Variants in FAM53A observed in about 807,000 individuals in gnomAD.
The protein encoded by FAM53A is family with sequence similarity 53 member A.
Under a neutral mutation model 26.6 loss-of-function variants are expected in FAM53A, and 28 were observed. The ratio of observed to expected loss-of-function variants is 1.05; its 90% CI spans 0.78 to 1.45. FAM53A has a LOEUF of 1.45. Ranked by LOEUF, FAM53A falls within the 40% of genes most tolerant of loss-of-function variation. The pLI, the probability that FAM53A is intolerant of heterozygous loss-of-function variation, is 0.00. For synonymous variants in FAM53A, 290 were observed against 253.1 expected (o/e 1.15, Z -1.38); for missense variants, 650 against 575.8 (o/e 1.13, Z -1.32).
At chr4:1,625,659 A>G (rs377314684) in intron 1 of FAM53A, among the ~76,000 whole-genome samples, 2,328 of 57,612 alleles carry the variant, frequency 0.04, 29 homozygotes, top group African/African-American at 0.069. Context: ...CCACGTCCCG[A>G]CCCACGTGGT....
the FAM53A span, among the ~76,000 whole-genome samples, chr4:1,600,376 G>A: frequency 6.6e-6 from 1 of 152,118 alleles, no homozygotes. Flanking sequence ...GAATGAACCA[G>A]AAAGCCATGT....
In FAM53A at chr4:1,659,832, G is replaced by A. The variant is rs2108942461; in HGVS notation, c.76-2364C>T. The stretch of plus-strand genomic sequence containing the variant: ...GGTCGAAGGGGCTGGCTTCCTCTCT[G>A]ATGCCTCTCACATATGCGCACTTAA... On this transcript the variant is annotated intron_variant, in intron 2 of 4. Transcript: ENST00000308132. This position sits in a 1 kb window ranked among gnomAD's most constrained non-coding sequence, Gnocchi z 5.2. Among the ~76,000 whole-genome samples, 1 of 152,306 alleles carries A rather than the reference G, an allele frequency of 6.6e-6. No homozygotes were observed. The highest frequency in any genetic ancestry group is 6.5e-5 in the Admixed American group (1 of 15,296).
chr4:1,657,011 G>A (rs534922515), intron 3 of FAM53A, among the ~76,000 whole-genome samples: 9 of 152,194 alleles, frequency 5.9e-5, no homozygotes, highest in African/African-American at 1.7e-4. Flanking sequence ...TCCACTGCAC[G>A]GACAGTGGGT....
At chr4:1,609,701 G>A in the FAM53A span, among the ~76,000 whole-genome samples, 2 of 152,064 alleles carry the variant, frequency 1.3e-5, no homozygotes, top group African/African-American at 2.4e-5. Context: ...AGTGGCTCAC[G>A]CCTGTAATCC....
chr4:1,676,301 C>T (rs906884509), intron 1 of FAM53A, among the ~76,000 whole-genome samples: 12 of 152,174 alleles, frequency 7.9e-5, no homozygotes, highest in African/African-American at 2.2e-4. Flanking sequence ...ATTCTCCCTG[C>T]GTGTGCCTGT....
At chr4:1,646,351 G>A (rs967032000) in intron 4 of FAM53A, among the ~76,000 whole-genome samples, 6 of 152,030 alleles carry the variant, frequency 3.9e-5, no homozygotes, top group African/African-American at 7.2e-5. Flanking sequence ...TGCCCACCTC[G>A]GCCTCCCAAA....
chr4:1,637,886 G>A (rs1715917588), downstream of FAM53A, among the ~76,000 whole-genome samples: 1 of 152,066 alleles, frequency 6.6e-6, no homozygotes, highest in Non-Finnish European at 1.5e-5. Flanking sequence ...GGACCCAGGG[G>A]CTGCACTGTG....
rs1411398500 is a variant in FAM53A at position 1,641,093 on chromosome 4, C to A, written c.*200G>T. The A allele has an allele frequency of 1.4e-5, 8 of 590,794 alleles. No homozygotes were observed. Among genetic ancestry groups the A allele is most frequent in the African/African-American group, 1.3e-4 (6 of 47,326 alleles). The allele number at this position is 590,794 out of a possible 1,614,324, so 36.6% of individuals were successfully genotyped here. A position where few individuals can be genotyped will look rare whatever the true frequency, so the allele number is the denominator to read the frequency against. ...CAGGTGCCGGCGGCAGCCGTGGCCC[C>A]GACCAGCTCACAGGAAACCTACTCT... On this transcript the variant is annotated 3_prime_UTR_variant, in exon 5 of 5. Transcript: ENST00000308132.
chr4:1,672,746 G>A (rs1202521885), intron 1 of FAM53A, among the ~76,000 whole-genome samples: 3 of 143,890 alleles, frequency 2.1e-5, no homozygotes, highest in Non-Finnish European at 1.5e-5. Flanking sequence ...ACAAACACAG[G>A]AACCTGAATT....
chr4:1,602,651 G>A, the FAM53A span, among the ~76,000 whole-genome samples: 387 of 152,332 alleles, frequency 2.5e-3, no homozygotes, highest in African/African-American at 6.7e-3. Flanking sequence ...TTTCAGGTCT[G>A]GGTGGGCCCC....
chr4:1,598,345 C>T, the FAM53A span, among the ~76,000 whole-genome samples: 5 of 152,254 alleles, frequency 3.3e-5, no homozygotes, highest in Non-Finnish European at 7.3e-5. Context: ...CTGCGCCTTC[C>T]GCCAGGCCCT....
chr4:1,639,580 C>T (rs867382725), downstream of FAM53A, among the ~76,000 whole-genome samples: 6 of 152,292 alleles, frequency 3.9e-5, no homozygotes, highest in South Asian at 2.1e-4. Flanking sequence ...GTAGGCACTG[C>T]CCCAACGGAG....
At chr4:1,644,995 A>C (rs946927418) in intron 4 of FAM53A, 4 of 152,348 alleles carry the variant, frequency 2.6e-5, no homozygotes, top group Non-Finnish European at 5.9e-5. Flanking sequence ...AGAAAGCGCA[A>C]GCTCCATCCA....
intron 2 of FAM53A, among the ~76,000 whole-genome samples, chr4:1,666,275 C>T (rs561746963): frequency 4.3e-5 from 6 of 139,984 alleles, no homozygotes; most frequent in Non-Finnish European, 7.7e-5. Context: ...TAAAATAAAA[C>T]CTGCACCCCC....
At chr4:1,617,149 T>G (rs906578079), downstream of FAM53A, among the ~76,000 whole-genome samples, 2 of 128,706 alleles carry the variant, frequency 1.6e-5, no homozygotes, top group African/African-American at 6.7e-5. Flanking sequence ...TAAAAAAAAG[T>G]TTCATTTATA....
intron 2 of FAM53A, 104 bp downstream of exon 2, chr4:1,668,563 G>C: frequency 7.4e-7 from 1 of 1,345,080 alleles, no homozygotes; most frequent in East Asian, 2.3e-5. Context: ...GGGCCCCCCA[G>C]GCCCCTGAGA....
chr4:1,604,507 C>A, the FAM53A span, among the ~76,000 whole-genome samples: 1 of 152,080 alleles, frequency 6.6e-6, no homozygotes, highest in African/African-American at 2.4e-5. Flanking sequence ...CCCCGAGAGA[C>A]CCCAGGGAGC....
At chr4:1,587,940 C>T in the FAM53A span, among the ~76,000 whole-genome samples, 1 of 152,090 alleles carries the variant, frequency 6.6e-6, no homozygotes, top group Non-Finnish European at 1.5e-5. Flanking sequence ...CCTCCCTTTG[C>T]TCTTTTTCGA....
intron 4 of FAM53A, among the ~76,000 whole-genome samples, chr4:1,643,567 AT>A (rs71167742): frequency 2.6e-3 from 360 of 140,508 alleles, no homozygotes; most frequent in Middle Eastern, 7.2e-3. Context: ...CTAAAGAATA[AT>A]TTTTTTTTTT....
Sources: gnomAD v4.1 joint callset for allele counts (sites outside exome capture counted in the v4.1 genomes callset) on GRCh38, gnomAD v4.1.1 for gene constraint, Gnocchi (gnomAD v3.1) non-coding constraint, MANE v1.5 for transcripts, NCBI Gene and HGNC (gene_info 2026-07-23, HGNC 2026-07-21) for gene names.